Variants in LRIG1 observed in about 807,000 individuals in gnomAD.
LRIG1 encodes leucine rich repeats and immunoglobulin like domains 1.
LRIG1 carries 48 observed loss-of-function variants against 99.2 expected under a neutral mutation model. The ratio of observed to expected loss-of-function variants is 0.48; its 90% CI spans 0.38 to 0.62. The LOEUF is 0.62. LRIG1 is among the 20% of genes least tolerant of loss of function. The pLI is 0.00. For missense variants in LRIG1, 1,646 were observed against 1,434.4 expected (o/e 1.15, Z -2.38); for synonymous variants, 772 against 596.1 (o/e 1.29, Z -4.30).
At chr3:66,480,622 G>A (rs1026630298) in intron 1 of LRIG1, among the ~76,000 whole-genome samples, 10 of 152,078 alleles carry the variant, frequency 6.6e-5, no homozygotes, top group African/African-American at 2.4e-4. Context: ...AGAACACCCA[G>A]AAAGAACATC....
chr3:66,441,230 A>G (rs193300719), intron 3 of LRIG1, among the ~76,000 whole-genome samples: 134 of 152,258 alleles, frequency 8.8e-4, no homozygotes, highest in Non-Finnish European at 2.6e-4. Flanking sequence ...GGAAGAAAAA[A>G]AACCACAAAC....
chr3:66,474,045 A>T (rs910672047), intron 1 of LRIG1, among the ~76,000 whole-genome samples: 3 of 152,314 alleles, frequency 2.0e-5, no homozygotes, highest in African/African-American at 7.2e-5. Flanking sequence ...TGGTTGTTGA[A>T]ATGGCTGAGA....
At chr3:66,434,361 G>T (rs1703272066) in intron 3 of LRIG1, among the ~76,000 whole-genome samples, 1 of 152,162 alleles carries the variant, frequency 6.6e-6, no homozygotes, top group Non-Finnish European at 1.5e-5. Flanking sequence ...CAAATGAAAA[G>T]ATGCTTAACA....
intron 4 of LRIG1, among the ~76,000 whole-genome samples, chr3:66,415,864 C>T (rs974294139): frequency 1.3e-5 from 2 of 152,204 alleles, no homozygotes; most frequent in African/African-American, 4.8e-5. Flanking sequence ...CTCTCCTCTG[C>T]CTTCCCCAAA....
rs1202586693 is a variant in LRIG1, at chr3:66,390,570, C to T, written c.1468+3470G>A. Reference sequence around the variant, plus strand: ...ATTAGTCTATAGATTCAATGCAACCCACATCCCACTTTCCTTTACTGCAGA... The same window carrying T: ...ATTAGTCTATAGATTCAATGCAACCTACATCCCACTTTCCTTTACTGCAGA... On this transcript the variant is annotated intron_variant, in intron 12 of 18. Coordinates refer to ENST00000273261, the MANE Select transcript of LRIG1 (RefSeq NM_015541.3). 2.0e-5 allele frequency among the ~76,000 whole-genome samples: 3 copies of T among 152,134 alleles called. No homozygotes were observed. The East Asian group carries it at 5.8e-4, about 29-fold the overall frequency.
At chr3:66,436,296 C>A (rs1703356014) in intron 3 of LRIG1, among the ~76,000 whole-genome samples, 1 of 152,122 alleles carries the variant, frequency 6.6e-6, no homozygotes, top group Non-Finnish European at 1.5e-5. Context: ...CGTATACTGG[C>A]CTTGGGAGGT....
At chr3:66,408,469 C>A (rs1000123702) in intron 7 of LRIG1, among the ~76,000 whole-genome samples, 2 of 152,214 alleles carry the variant, frequency 1.3e-5, no homozygotes, top group Non-Finnish European at 2.9e-5. Context: ...CTCAAGCGCA[C>A]TTCTGTGATC....
chr3:66,494,569 T>C (rs932868002), intron 1 of LRIG1, among the ~76,000 whole-genome samples: 5 of 152,226 alleles, frequency 3.3e-5, no homozygotes, highest in African/African-American at 1.2e-4. Flanking sequence ...ACTGAAGGAC[T>C]TCTATGAACA....
intron 9 of LRIG1, among the ~76,000 whole-genome samples, chr3:66,400,852 G>A (rs575993767): frequency 6.6e-6 from 1 of 152,200 alleles, no homozygotes; most frequent in Admixed American, 6.5e-5. Context: ...GAACCGCTTG[G>A]GCAGGTACCA....
chr3:66,441,554 G>C (rs371166249), intron 3 of LRIG1, among the ~76,000 whole-genome samples: 1 of 152,202 alleles, frequency 6.6e-6, no homozygotes, highest in African/African-American at 2.4e-5. Flanking sequence ...GCTACCCAAA[G>C]CAAGTTCACC....
In LRIG1 at chr3:66,380,393, T is replaced by C. The variant is rs771021159; in HGVS notation, c.3152A>G (p.Glu1051Gly). 1.9e-6 allele frequency: 3 copies of C among 1,614,040 alleles called. No homozygotes were observed. Among genetic ancestry groups the C allele is most frequent in the East Asian group, 2.2e-5 (1 of 44,888 alleles). ...ATTGGAAACAAGCAAGTACTGGGCTTCCGCGCGCTCTGGACTGCCTGAAGT... is the reference window on the plus strand; with the variant it reads ...ATTGGAAACAAGCAAGTACTGGGCTCCCGCGCGCTCTGGACTGCCTGAAGT... ...SLTSGSPERA[E>G]AQYLLVSNGH... Residue 1051 changes from glutamate (E) to glycine (G), a missense_variant, in exon 19 of 19, where the codon GAA becomes GGA. Coordinates refer to ENST00000273261, the MANE Select transcript of LRIG1 (RefSeq NM_015541.3).
At position 66,474,347 on chromosome 3, in the gene LRIG1, CTT is replaced by C. The variant is rs58012350; in HGVS notation, c.219-11840_219-11839del. On this transcript the variant is annotated intron_variant, in intron 1 of 18. Transcript: ENST00000273261. Reference sequence around the variant, plus strand: ...CTCTTCCACAAGGTCCATCTACGTTCTTTTTTTTTTTTTTTGAAATGGAGTTT... The same window carrying C: ...CTCTTCCACAAGGTCCATCTACGTTCTTTTTTTTTTTTTGAAATGGAGTTT... 4.9e-3 allele frequency among the ~76,000 whole-genome samples: 687 copies of C among 140,586 alleles called. 12 individuals are homozygous for C. In the East Asian group the frequency reaches 0.068, roughly 14 times the overall value. The allele number at this position is 140,586 out of a possible 152,430, so 92.2% of individuals were successfully genotyped here.
At chr3:66,449,525 T>TG (rs1251225700) in intron 3 of LRIG1, among the ~76,000 whole-genome samples, 1 of 152,332 alleles carries the variant, frequency 6.6e-6, no homozygotes, top group East Asian at 1.9e-4. Context: ...TCTTGGCACT[T>TG]GGGCCAAGGA....
intron 12 of LRIG1, among the ~76,000 whole-genome samples, chr3:66,393,616 C>T (rs1559773527): frequency 3.3e-5 from 5 of 152,218 alleles, no homozygotes; most frequent in Non-Finnish European, 5.9e-5. Context: ...ATTATTTTTA[C>T]TACAGCAACT....
Position 66,380,006 on chromosome 3 carries a change from G to A in LRIG1, c.*257C>T. On this transcript the variant is annotated 3_prime_UTR_variant, in exon 19 of 19. Coordinates refer to ENST00000273261, the MANE Select transcript of LRIG1 (RefSeq NM_015541.3). ...TAACCATGCACTAAAGATTAAAATA[G>A]CCTCTGTAAAAGATATATATGAAAT... The A allele has an allele frequency of 3.4e-6, 1 of 294,300 alleles. No homozygotes were observed. The highest frequency in any genetic ancestry group is 6.3e-6 in the Non-Finnish European group (1 of 159,346). The allele number at this position is 294,300 out of a possible 1,614,324, so 18.2% of individuals were successfully genotyped here.
At chr3:66,467,084 G>A (rs373435085) in intron 1 of LRIG1, among the ~76,000 whole-genome samples, 36 of 152,286 alleles carry the variant, frequency 2.4e-4, no homozygotes, top group Non-Finnish European at 4.0e-4. Context: ...CACCTCTGCA[G>A]AGGACAGCTC....
At chr3:66,501,105 G>C (rs9835704), upstream of LRIG1, 1 of 135,632 alleles carries the variant, frequency 7.4e-6, no homozygotes, top group African/African-American at 3.1e-5. Flanking sequence ...CCTAGGCTCC[G>C]CGCTCCGCGG....
intron 2 of LRIG1, among the ~76,000 whole-genome samples, chr3:66,457,194 G>A (rs758921956): frequency 3.9e-5 from 6 of 152,214 alleles, no homozygotes; most frequent in Admixed American, 2.0e-4. Context: ...AGCTGACAGC[G>A]CCTGGGCAAC....
At chr3:66,398,360 C>T (rs1019637912) in intron 10 of LRIG1, among the ~76,000 whole-genome samples, 177 bp from the exon 11 acceptor site, 2 of 152,236 alleles carry the variant, frequency 1.3e-5, no homozygotes, top group East Asian at 3.8e-4. Flanking sequence ...ACTCAGGAGC[C>T]AAGCCAGCCT....
Sources: gnomAD v4.1 joint callset for allele counts (sites outside exome capture counted in the v4.1 genomes callset) on GRCh38, gnomAD v4.1.1 for gene constraint, MANE v1.5 for transcripts, NCBI Gene and HGNC (gene_info 2026-07-23, HGNC 2026-07-21) for gene names.